ZNF438: variants seen among roughly 807,000 people sequenced by gnomAD.
ZNF438 encodes the protein zinc finger protein 438.
Under a neutral mutation model 38.0 loss-of-function variants are expected in ZNF438, and 25 were observed. The observed-to-expected ratio is 0.66, with a 90% confidence interval of 0.48 to 0.92. The LOEUF is 0.92. Ranked by LOEUF, ZNF438 falls within the 40% of genes least tolerant of loss-of-function variation. The pLI is 0.00. For synonymous variants in ZNF438, 372 were observed against 364.1 expected (o/e 1.02, Z -0.25); for missense variants, 1,007 against 999.6 (o/e 1.01, Z -0.10).
chr10:30,848,285 G>A lies in ZNF438; in HGVS notation c.1874+246C>T, dbSNP rs569997618. On this transcript the variant is annotated intron_variant, in intron 5 of 5. Transcript: ENST00000413025. ...GATGTGATTTTGGGGGAAATTACTT[G>A]TAAAGACCACTGGAACTATATACAG... Among the ~76,000 whole-genome samples the A allele has an allele frequency of 4.6e-5, 7 of 152,234 alleles. No homozygotes were observed. The South Asian group carries it at 1.5e-3, about 32-fold the overall frequency.
At chr10:31,014,955 T>G (rs558487237) in intron 1 of ZNF438, among the ~76,000 whole-genome samples, 27 of 152,244 alleles carry the variant, frequency 1.8e-4, no homozygotes, top group Middle Eastern at 6.8e-3. Context: ...ACTCCTGAGC[T>G]GAAGTCATCC....
intron 1 of ZNF438, among the ~76,000 whole-genome samples, chr10:31,001,494 T>A (rs951771052): frequency 1.3e-5 from 2 of 152,192 alleles, no homozygotes; most frequent in Admixed American, 1.3e-4. Context: ...TTAATTCTGA[T>A]GAGAAGAGAG....
In ZNF438 at chr10:30,934,507, T is replaced by C. The variant is rs74583934; in HGVS notation, c.-115+7068A>G. The stretch of plus-strand genomic sequence containing the variant: ...TCTTGTATACATATATTTGAAGCAT[T>C]TGTAAGTTGATATTAATAGCTCATA... On this transcript the variant is annotated intron_variant, in intron 2 of 5. Transcript: ENST00000413025. Among the ~76,000 whole-genome samples, 833 of 152,348 alleles carry C rather than the reference T, an allele frequency of 5.5e-3. 9 individuals are homozygous for C. The highest frequency in any genetic ancestry group is 0.019 in the African/African-American group (797 of 41,574).
chr10:30,906,197 A>C (rs2042565187), intron 3 of ZNF438, among the ~76,000 whole-genome samples: 1 of 152,194 alleles, frequency 6.6e-6, no homozygotes, highest in Admixed American at 6.5e-5. Context: ...AAAGACACAG[A>C]TGTCTTTCCA....
Position 30,985,410 on chromosome 10 carries a change from C to T in ZNF438, c.-191-43759G>A, listed in dbSNP as rs112413767. ...GCACTTAGTTCTGATTCTAAAGCGTCTCTTTTACATCATCAAAGTAAAGTG... is the reference window on the plus strand; with the variant it reads ...GCACTTAGTTCTGATTCTAAAGCGTTTCTTTTACATCATCAAAGTAAAGTG... On this transcript the variant is annotated intron_variant, in intron 1 of 5. Transcript: ENST00000413025. Among the ~76,000 whole-genome samples, 196 of 152,338 alleles carry T rather than the reference C, an allele frequency of 1.3e-3. 1 individual carries two copies. The highest frequency in any genetic ancestry group is 4.5e-3 in the African/African-American group (188 of 41,576).
chr10:30,963,152 G>A (rs904333237), intron 1 of ZNF438, among the ~76,000 whole-genome samples: 10 of 152,118 alleles, frequency 6.6e-5, no homozygotes, highest in African/African-American at 2.2e-4. Context: ...AGCACTTTGG[G>A]AGGCCAAGGT....
At chr10:30,970,209 CT>C (rs759750644) in intron 1 of ZNF438, among the ~76,000 whole-genome samples, 17 of 151,832 alleles carry the variant, frequency 1.1e-4, no homozygotes, top group Non-Finnish European at 2.1e-4. Flanking sequence ...GTGATAGGTC[CT>C]CTTTTACTAT....
intron 1 of ZNF438, among the ~76,000 whole-genome samples, chr10:31,026,011 G>T (rs1005432997): frequency 6.6e-6 from 1 of 152,100 alleles, no homozygotes; most frequent in East Asian, 1.9e-4. Flanking sequence ...TTTAATAAAC[G>T]GTGCTGGGAA....
At chr10:30,914,456 C>T (rs1184848784) in intron 2 of ZNF438, among the ~76,000 whole-genome samples, 1 of 151,224 alleles carries the variant, frequency 6.6e-6, no homozygotes, top group Non-Finnish European at 1.5e-5. Context: ...TAAATACACA[C>T]ACAAATGAGT....
At chr10:30,873,124 G>A (rs868374634) in intron 4 of ZNF438, among the ~76,000 whole-genome samples, 1 of 151,860 alleles carries the variant, frequency 6.6e-6, no homozygotes, top group Non-Finnish European at 1.5e-5. Flanking sequence ...CCTCTTTTTT[G>A]AAAAACACAG....
At chr10:30,980,118 G>C (rs867675333) in intron 1 of ZNF438, among the ~76,000 whole-genome samples, 1 of 152,158 alleles carries the variant, frequency 6.6e-6, no homozygotes, top group South Asian at 2.1e-4. Context: ...GGCTAGAGGA[G>C]AGTGAGCAAG....
In ZNF438 at chr10:30,876,989, T is replaced by C. The variant is rs189096310; in HGVS notation, c.37+9A>G. 2.1e-5 allele frequency: 34 copies of C among 1,604,724 alleles called. No homozygotes were observed. The East Asian group carries it at 7.2e-4, about 34-fold the overall frequency. On this transcript the variant is annotated intron_variant, in intron 4 of 5. Coordinates refer to ENST00000413025, the Ensembl canonical transcript of ZNF438. The stretch of plus-strand genomic sequence containing the variant: ...ACTCATCACCATTTTCCTCAGCAGT[T>C]TAACTTACCTTCATCTTTTGGTGGT...
chr10:30,848,415 T>C, intron 5 of ZNF438, 116 bp downstream of exon 6: 2 of 1,266,958 alleles, frequency 1.6e-6, no homozygotes, highest in South Asian at 3.0e-5. Context: ...AGCTACTTTA[T>C]GAAATCTTAA....
At chr10:31,019,148 G>A (rs964263194) in intron 1 of ZNF438, among the ~76,000 whole-genome samples, 2 of 152,174 alleles carry the variant, frequency 1.3e-5, no homozygotes, top group African/African-American at 4.8e-5. Flanking sequence ...AGTCATCAGA[G>A]TTTCTTTAAA....
At chr10:30,941,365 C>G (rs1336753781) in intron 2 of ZNF438, among the ~76,000 whole-genome samples, 1 of 152,174 alleles carries the variant, frequency 6.6e-6, no homozygotes, top group Non-Finnish European at 1.5e-5. Context: ...AGCCACCATG[C>G]CTGGCCAGAA....
intron 2 of ZNF438, among the ~76,000 whole-genome samples, chr10:30,930,011 C>T (rs1361763449): frequency 6.6e-6 from 1 of 152,248 alleles, no homozygotes; most frequent in Admixed American, 6.5e-5. Context: ...CCTAGTGGAT[C>T]CCTCGCCAGG....
intron 1 of ZNF438, among the ~76,000 whole-genome samples, chr10:31,018,473 A>T (rs963739131): frequency 6.6e-6 from 1 of 152,232 alleles, no homozygotes; most frequent in African/African-American, 2.4e-5. Flanking sequence ...TAGAGGTGAC[A>T]GTCTCACTGA....
At chr10:30,956,302 C>T (rs574571671) in intron 1 of ZNF438, among the ~76,000 whole-genome samples, 23 of 152,220 alleles carry the variant, frequency 1.5e-4, no homozygotes, top group Admixed American at 1.2e-3. Context: ...ACTATGTTTA[C>T]GTAAATATGT....
chr10:30,881,339 T>C (rs1310263627), intron 3 of ZNF438, among the ~76,000 whole-genome samples: 2 of 152,052 alleles, frequency 1.3e-5, no homozygotes, highest in Non-Finnish European at 2.9e-5. Context: ...ATCCTAGAAA[T>C]AATCAGAAAT....
Sources: allele counts gnomAD v4.1 joint callset (sites outside exome capture counted in the v4.1 genomes callset), GRCh38; gene constraint gnomAD v4.1.1; transcripts MANE v1.5; gene names NCBI Gene and HGNC (gene_info 2026-07-23, HGNC 2026-07-21).